CLCNKB: variants seen among roughly 807,000 people sequenced by gnomAD.
CLCNKB encodes the protein chloride voltage-gated channel Kb.
CLCNKB carries 74 observed loss-of-function variants against 83.8 expected under a neutral mutation model. The ratio of observed to expected loss-of-function variants is 0.88; its 90% CI spans 0.73 to 1.07. The LOEUF (loss-of-function observed/expected upper bound fraction) is 1.07, where lower values mean the gene tolerates loss of function less well. Among genes scored for constraint, CLCNKB ranks in the 50% least tolerant of loss-of-function variants. The pLI is 0.00. For synonymous variants in CLCNKB, 358 were observed against 356.6 expected (o/e 1.00, Z -0.04); for missense variants, 798 against 893.6 (o/e 0.89, Z 1.36).
chr1:16,054,220 A>G (rs2023377931), intron 16 of CLCNKB, among the ~76,000 whole-genome samples: 3 of 152,192 alleles, frequency 2.0e-5, no homozygotes, highest in African/African-American at 7.2e-5. Context: ...CCTTAACTAG[A>G]GCGTCATTTC....
chr1:16,048,625 C>T, intron 7 of CLCNKB, 43 bp downstream of exon 7: 12 of 1,610,900 alleles, frequency 7.4e-6, no homozygotes, highest in Middle Eastern at 1.8e-4. Flanking sequence ...CCTCAAGCTC[C>T]TCCCCTCACA....
chr1:16,048,861 C>G (rs2023187888), intron 7 of CLCNKB: 26 of 1,441,684 alleles, frequency 1.8e-5, no homozygotes, highest in Non-Finnish European at 2.4e-5. Context: ...CCGGCTTCCT[C>G]CTCTACAAAA....
chr1:16,049,958 C>A, intron 10 of CLCNKB, 42 bp downstream of exon 10: 1 of 1,544,722 alleles, frequency 6.5e-7, no homozygotes, highest in Non-Finnish European at 9.0e-7. Flanking sequence ...CAGCGAGCTC[C>A]CCCCTCACCG....
chr1:16,046,008 T>G (rs1039017147), intron 3 of CLCNKB, among the ~76,000 whole-genome samples: 2 of 152,218 alleles, frequency 1.3e-5, no homozygotes, highest in Admixed American at 6.5e-5. Flanking sequence ...GTGGGGGCAC[T>G]TCCCTATAAC....
At chr1:16,052,999 C>G (rs2023340536) in intron 15 of CLCNKB, among the ~76,000 whole-genome samples, 1 of 151,970 alleles carries the variant, frequency 6.6e-6, no homozygotes, top group Non-Finnish European at 1.5e-5. Flanking sequence ...CAGTGGTTTC[C>G]AGACTTTCAA....
rs111786937 is a variant in CLCNKB at position 16,055,083 on chromosome 1, G to A, written c.1757-352G>A. On this transcript the variant is annotated intron_variant, in intron 16 of 19. Coordinates refer to ENST00000375679, the MANE Select transcript of CLCNKB (RefSeq NM_000085.5). ...CCAAATGTGAAGCCTCTTGGGAAAT[G>A]AAGGAGAAAGCCCAGCCCTGACACA... is the stretch of plus-strand genomic sequence containing the variant. Among the ~76,000 whole-genome samples the A allele has an allele frequency of 3.8e-3, 583 of 152,256 alleles. 5 individuals carry two copies. Among genetic ancestry groups the A allele is most frequent in the African/African-American group, 0.013 (555 of 41,524 alleles).
rs528177345 is a variant in CLCNKB at position 16,055,685 on chromosome 1, A to G, written c.1856A>G (p.Gln619Arg). Residue 619 changes from glutamine (Q) to arginine (R), a missense_variant, in exon 18 of 20, where the codon CAG (glutamine) becomes CGG (arginine). By Grantham distance (43) the Gln-to-Arg change is conservative (BLOSUM62 1). Transcript: ENST00000375679. ...SWAPGHQQCL[Q>R]DILAAGCPTE... Reference sequence around the variant, plus strand: ...CTTCCCCACCCCCAGCAGTGTCTCCAGGACATCTTGGCTGCAGGCTGCCCC... The same window carrying G: ...CTTCCCCACCCCCAGCAGTGTCTCCGGGACATCTTGGCTGCAGGCTGCCCC... 7.4e-6 allele frequency: 12 copies of G among 1,613,700 alleles called. No homozygotes were observed. The highest frequency in any genetic ancestry group is 1.0e-5 in the Non-Finnish European group (12 of 1,180,006).
rs5251 is a variant in CLCNKB at position 16,050,547 on chromosome 1, G to C, written c.1000G>C (p.Val334Leu). The C allele has an allele frequency of 1.8e-4, 287 of 1,613,988 alleles. 2 individuals carry two copies. The African/African-American group carries it at 3.2e-3, about 18-fold the overall frequency. ...KPVYSALATL[V>L]LASITYPPSA... ...TGTGTACTCCGCTCTGGCCACCTTG[G>C]TTCTCGCCTCCATCACCTACCCACC... Residue 334 changes from valine (V) to leucine (L), a missense_variant, in exon 11 of 20, where the codon GTT (valine) becomes CTT (leucine). Val to Leu is a conservative substitution (Grantham distance 32). Transcript: ENST00000375679.
intron 18 of CLCNKB, 113 bp downstream of exon 18, chr1:16,055,871 T>G (rs751691793): frequency 3.0e-4 from 285 of 946,912 alleles, no homozygotes; most frequent in Non-Finnish European, 3.8e-4. Context: ...CGTCTTATGC[T>G]GCTTCCTGCT....
Position 16,056,459 on chromosome 1 carries a change from T to A in CLCNKB, c.1967T>A (p.Leu656His), listed in dbSNP as rs1161043470. 5 of 1,613,908 alleles carry A rather than the reference T, an allele frequency of 3.1e-6. No individual in the cohort carries two copies. Among genetic ancestry groups the A allele is most frequent in the South Asian group, 2.2e-5 (2 of 91,062 alleles). The part of the protein sequence containing the change: ...NLFELLNLHS[L>H]FVTSRGRAVG... ...TTTGAGCTGTTGAACCTTCATTCCC[T>A]CTTTGTGACGTCGCGGGGCAGAGCT... Residue 656 changes from leucine to histidine, a missense_variant, in exon 19 of 20, where the codon CTC (leucine) becomes CAC (histidine). Coordinates refer to ENST00000375679, the MANE Select transcript of CLCNKB (RefSeq NM_000085.5).
Position 16,045,594 on chromosome 1 carries a change from T to C in CLCNKB, c.137T>C (p.Leu46Pro), listed in dbSNP as rs1354106899. The C allele has an allele frequency of 6.2e-7, 1 of 1,613,958 alleles. No individual in the cohort carries two copies. Among genetic ancestry groups the C allele is most frequent in the Admixed American group, 1.7e-5 (1 of 60,026 alleles). Residue 46 changes from leucine to proline, a missense_variant, in exon 3 of 20, where the codon CTG (leucine) becomes CCG (proline). By Grantham distance (98) the Leu-to-Pro change is moderately conservative. Transcript: ENST00000375679. ...TGGCTGAAGCAGAAGCTCTTCCGCC[T>C]GGGCGAGGACTGGTACTTCCTGATG... ...LEWLKQKLFR[L>P]GEDWYFLMTL...
At chr1:16,055,889 G>A in intron 18 of CLCNKB, 131 bp downstream of exon 18, 1 of 843,282 alleles carries the variant, frequency 1.2e-6, no homozygotes, top group Non-Finnish European at 2.0e-6. Context: ...GCTCCTCCTG[G>A]GCCAGTGTCC....
In CLCNKB at chr1:16,056,529, G is replaced by A. The variant is rs757824288; in HGVS notation, c.2016+21G>A. ...TGGAGGTACCAGGGTCCCGGGGGCAGAGCAAAGCAGGGAACCTATGCCTGA... is the reference window on the plus strand; with the variant it reads ...TGGAGGTACCAGGGTCCCGGGGGCAAAGCAAAGCAGGGAACCTATGCCTGA... On this transcript the variant is annotated intron_variant, in intron 19 of 19. Coordinates refer to ENST00000375679, the MANE Select transcript of CLCNKB (RefSeq NM_000085.5). The A allele has an allele frequency of 2.0e-5, 30 of 1,463,988 alleles. No individual in the cohort carries two copies. In the African/African-American group the frequency reaches 2.7e-4, roughly 13 times the overall value. 90.7% of individuals were successfully genotyped at this position (1,463,988 alleles called of 1,614,324 possible). A position where few individuals can be genotyped will look rare whatever the true frequency, so the allele number is the denominator to read the frequency against.
In CLCNKB at chr1:16,052,263, AC is replaced by A. The variant is rs1159737562; in HGVS notation, c.1476del (p.Gly493AlafsTer3). On this transcript the variant is annotated frameshift_variant, in exon 15 of 20. Coordinates refer to ENST00000375679, the MANE Select transcript of CLCNKB (RefSeq NM_000085.5). LOFTEE classifies it high-confidence loss of function. The part of the protein sequence containing the change: ...ISTALLAFEV[T>X]GQIVHALPVL... Reference sequence around the variant, plus strand: ...CACGGCGCTGCTGGCCTTCGAGGTGACCGGCCAGATAGTGCATGCACTGCCC... The same window carrying A: ...CACGGCGCTGCTGGCCTTCGAGGTGACGGCCAGATAGTGCATGCACTGCCC... 1.2e-6 allele frequency: 2 copies of A among 1,613,284 alleles called. No individual in the cohort carries two copies. Among genetic ancestry groups the A allele is most frequent in the Non-Finnish European group, 1.7e-6 (2 of 1,180,036 alleles).
At chr1:16,052,855 C>T (rs1317202222) in intron 15 of CLCNKB, among the ~76,000 whole-genome samples, 1 of 152,138 alleles carries the variant, frequency 6.6e-6, no homozygotes, top group Non-Finnish European at 1.5e-5. Context: ...AGGACCAGAG[C>T]AGCTTCTGGC....
intron 12 of CLCNKB, 30 bp downstream of exon 12, chr1:16,051,078 G>C: frequency 6.2e-7 from 1 of 1,612,988 alleles, no homozygotes; most frequent in South Asian, 1.1e-5. Flanking sequence ...GGTGTGCACA[G>C]AGCTGGGACC....
chr1:16,048,708 C>G (rs2023180772), intron 7 of CLCNKB, 126 bp downstream of exon 7: 3 of 1,508,840 alleles, frequency 2.0e-6, no homozygotes, highest in Non-Finnish European at 1.8e-6. Context: ...ACTTCAGCCC[C>G]GCCTTGGGCA....
At position 16,048,488 on chromosome 1, in the gene CLCNKB, G is replaced by T. The variant is rs1379631437; in HGVS notation, c.577-16G>T. ...GGGAGGGGGCTGACTCTGAGCCCTG[G>T]ACTCGGATCCCCCAGAACAAGAGCA... On this transcript the variant is annotated splice_polypyrimidine_tract_variant and intron_variant, in intron 6 of 19. Coordinates refer to ENST00000375679, the MANE Select transcript of CLCNKB (RefSeq NM_000085.5). The T allele has an allele frequency of 1.9e-6, 3 of 1,613,142 alleles. No homozygotes were observed. Among genetic ancestry groups the T allele is most frequent in the African/African-American group, 2.7e-5 (2 of 74,870 alleles).
intron 4 of CLCNKB, among the ~76,000 whole-genome samples, chr1:16,046,980 T>C: frequency 6.6e-6 from 1 of 152,186 alleles, no homozygotes; most frequent in South Asian, 2.1e-4. Context: ...CCCTGCCTCC[T>C]GCTCCAGGCC....
Sources: gnomAD v4.1 joint callset for allele counts (sites outside exome capture counted in the v4.1 genomes callset) on GRCh38, gnomAD v4.1.1 for gene constraint, MANE v1.5 for transcripts, NCBI Gene and HGNC (gene_info 2026-07-23, HGNC 2026-07-21) for gene names.